The following FNDC3B variants were observed in gnomAD, a reference collection of about 807,000 sequenced individuals.
FNDC3B encodes the protein fibronectin type III domain-containing protein 3B.
Under a neutral mutation model 151.5 loss-of-function variants are expected in FNDC3B, and 12 were observed. The observed-to-expected ratio is 0.08, with a 90% CI of 0.05 to 0.13. The LOEUF is 0.13. Among genes scored for constraint, FNDC3B ranks in the 10% least tolerant of loss-of-function variants. The pLI is 1.00. For missense variants in FNDC3B, 1,214 were observed against 1,505.3 expected (o/e 0.81, Z 3.20); for synonymous variants, 528 against 549.0 (o/e 0.96, Z 0.54).
At chr3:172,039,968 A>G (rs1248231418) in intron 1 of FNDC3B, among the ~76,000 whole-genome samples, 197 bp downstream of exon 1, 1 of 152,062 alleles carries the variant, frequency 6.6e-6, no homozygotes, top group Non-Finnish European at 1.5e-5. Flanking sequence ...GCACCCCGGG[A>G]ACACGGGACC....
intron 1 of FNDC3B, among the ~76,000 whole-genome samples, chr3:172,052,246 GT>G (rs10665367): frequency 1.0e-4 from 15 of 147,510 alleles, no homozygotes; most frequent in South Asian, 2.1e-4. Context: ...ATTTTTGTGG[GT>G]TTTTTTTTTT....
chr3:172,123,101 C>T (rs1355255115), intron 2 of FNDC3B, among the ~76,000 whole-genome samples: 1 of 152,218 alleles, frequency 6.6e-6, no homozygotes, highest in East Asian at 1.9e-4. Context: ...TACAGTGATA[C>T]AGTCCCAGCT....
At chr3:172,337,459 T>A in intron 16 of FNDC3B, 58 bp downstream of exon 16, 1 of 1,074,418 alleles carries the variant, frequency 9.3e-7, no homozygotes, top group Non-Finnish European at 1.5e-6. Context: ...TTTTCTAATA[T>A]AGTAAATGTC....
chr3:172,271,705 G>C (rs75154264), intron 6 of FNDC3B, among the ~76,000 whole-genome samples: 1 of 152,136 alleles, frequency 6.6e-6, no homozygotes, highest in Admixed American at 6.5e-5. Flanking sequence ...TTAGGTAAAC[G>C]TCAAGTCTGC....
chr3:172,270,106 A>G (rs1189946770), intron 6 of FNDC3B, among the ~76,000 whole-genome samples: 1 of 152,250 alleles, frequency 6.6e-6, no homozygotes, highest in Non-Finnish European at 1.5e-5. Flanking sequence ...TATCCAAAAC[A>G]TATTTCATTA....
intron 1 of FNDC3B, among the ~76,000 whole-genome samples, chr3:172,055,620 G>C (rs946776954): frequency 9.9e-5 from 15 of 152,116 alleles, no homozygotes; most frequent in African/African-American, 3.6e-4. Context: ...CATTTAGTGT[G>C]ATTTTGGGTC....
At chr3:172,358,549 T>G (rs1185075852) in intron 22 of FNDC3B, among the ~76,000 whole-genome samples, 1 of 152,222 alleles carries the variant, frequency 6.6e-6, no homozygotes, top group East Asian at 1.9e-4. Flanking sequence ...GATCAGCAAG[T>G]TACTCATGTT....
At chr3:172,233,992 A>G (rs1365299634) in intron 4 of FNDC3B, among the ~76,000 whole-genome samples, 1 of 152,198 alleles carries the variant, frequency 6.6e-6, no homozygotes, top group African/African-American at 2.4e-5. Context: ...CCAAGGAGCA[A>G]TTACAGACAG....
intron 1 of FNDC3B, among the ~76,000 whole-genome samples, chr3:172,051,246 G>C (rs1716638805): frequency 6.7e-6 from 1 of 149,046 alleles, no homozygotes; most frequent in Non-Finnish European, 1.5e-5. Flanking sequence ...ACCATACCTG[G>C]CTAATTTTGT....
At chr3:172,156,698 T>G (rs1362290151) in intron 3 of FNDC3B, among the ~76,000 whole-genome samples, 1 of 151,732 alleles carries the variant, frequency 6.6e-6, no homozygotes, top group Admixed American at 6.6e-5. Context: ...TTTGAAGTTT[T>G]TTTTTTTTTT....
intron 23 of FNDC3B, among the ~76,000 whole-genome samples, chr3:172,367,007 A>G (rs1734658642): frequency 6.6e-6 from 1 of 152,214 alleles, no homozygotes; most frequent in Non-Finnish European, 1.5e-5. Context: ...AGGGATCCCA[A>G]AGAGCATCTT....
chr3:172,296,461 A>C (rs1305409594), intron 8 of FNDC3B, among the ~76,000 whole-genome samples: 1 of 151,976 alleles, frequency 6.6e-6, no homozygotes, highest in East Asian at 1.9e-4. Flanking sequence ...TACCCAGGCT[A>C]CCTCCACTGT....
At chr3:172,098,669 G>A (rs1318554426) in intron 1 of FNDC3B, among the ~76,000 whole-genome samples, 3 of 151,962 alleles carry the variant, frequency 2.0e-5, no homozygotes, top group Non-Finnish European at 4.4e-5. Context: ...GAAAAACAAA[G>A]CAATACCCTG....
intron 25 of FNDC3B, among the ~76,000 whole-genome samples, chr3:172,384,710 A>T (rs981808553): frequency 6.6e-6 from 1 of 152,204 alleles, no homozygotes; most frequent in East Asian, 1.9e-4. Flanking sequence ...ACCTATACAC[A>T]TCAGGCATTG....
intron 22 of FNDC3B, among the ~76,000 whole-genome samples, chr3:172,354,601 A>G (rs1407155318): frequency 6.6e-6 from 1 of 151,908 alleles, no homozygotes; most frequent in Non-Finnish European, 1.5e-5. Context: ...TATAGTATTA[A>G]TAGAACTCTG....
chr3:172,299,245 G>A (rs1479813388), intron 9 of FNDC3B, among the ~76,000 whole-genome samples: 3 of 152,130 alleles, frequency 2.0e-5, no homozygotes, highest in African/African-American at 7.2e-5. Flanking sequence ...AGTAATACAA[G>A]CATCAAATTA....
rs186005617 is a variant in FNDC3B, at chr3:172,243,900, A to T, written c.265-3633A>T. Among the ~76,000 whole-genome samples, 118 of 152,342 alleles carry T rather than the reference A, an allele frequency of 7.7e-4. 1 individual carries two copies. Among genetic ancestry groups the T allele is most frequent in the African/African-American group, 2.7e-3 (114 of 41,586 alleles). On this transcript the variant is annotated intron_variant, in intron 4 of 25. Coordinates refer to ENST00000415807, the MANE Select transcript of FNDC3B (RefSeq NM_022763.4). ...CATAAGTCAGCCCATGATAGGTGACAGTCTGAGAACCCGGCATAATGATCT... is the reference window on the plus strand; with the variant it reads ...CATAAGTCAGCCCATGATAGGTGACTGTCTGAGAACCCGGCATAATGATCT...
At chr3:172,326,207 T>G (rs957548005) in intron 11 of FNDC3B, among the ~76,000 whole-genome samples, 3 of 152,276 alleles carry the variant, frequency 2.0e-5, no homozygotes, top group African/African-American at 7.2e-5. Context: ...CTGAAATATT[T>G]TAACCTACTT....
In FNDC3B at chr3:172,295,422, C is replaced by T; in HGVS notation, c.909C>T (p.Ser303=). ...CCTGGGCTCCCCCTGTTGGACTTTC[C>T]TGTGGACCCCACAGTGGTCTTTCCT... The part of the protein sequence containing the change: ...VLSWAPPVGL[S]CGPHSGLSFP... Residue 303 remains serine, a synonymous_variant, in exon 8 of 26, where the codon TCC becomes TCT. Transcript: ENST00000415807. 1 of 1,614,078 alleles carries T rather than the reference C, an allele frequency of 6.2e-7. No individual in the cohort carries two copies. The highest frequency in any genetic ancestry group is 2.2e-5 in the East Asian group (1 of 44,876).
Sources: gnomAD v4.1 joint callset for allele counts (sites outside exome capture counted in the v4.1 genomes callset) on GRCh38, gnomAD v4.1.1 for gene constraint, MANE v1.5 for transcripts, NCBI Gene and HGNC (gene_info 2026-07-23, HGNC 2026-07-21) for gene names.